The following CAMSAP2 variants were observed in gnomAD, a reference collection of about 807,000 sequenced individuals.
CAMSAP2 encodes calmodulin-regulated spectrin-associated protein 2.
CAMSAP2 carries 26 observed loss-of-function variants against 146.1 expected under a neutral mutation model. That is an observed-to-expected ratio of 0.18 (90% confidence interval 0.13 to 0.25). The LOEUF (loss-of-function observed/expected upper bound fraction) is 0.25, where lower values mean the gene tolerates loss of function less well. Among genes scored for constraint, CAMSAP2 ranks in the 10% least tolerant of loss-of-function variants. The pLI is 1.00. For synonymous variants in CAMSAP2, 499 were observed against 596.6 expected (o/e 0.84, Z 2.38); for missense variants, 1,381 against 1,759.3 (o/e 0.78, Z 3.85).
At chr1:200,772,332 G>T (rs1665140475) in intron 2 of CAMSAP2, among the ~76,000 whole-genome samples, 1 of 152,112 alleles carries the variant, frequency 6.6e-6, no homozygotes, top group South Asian at 2.1e-4. Flanking sequence ...ATGTAGGCTG[G>T]GCACAGTGAC....
intron 6 of CAMSAP2, among the ~76,000 whole-genome samples, chr1:200,835,190 T>G (rs1667154146): frequency 6.6e-6 from 1 of 152,200 alleles, no homozygotes; most frequent in African/African-American, 2.4e-5. Flanking sequence ...AAGTGTCACA[T>G]GTGCATCATT....
chr1:200,835,597 C>T (rs974392737), intron 6 of CAMSAP2, among the ~76,000 whole-genome samples: 1 of 152,112 alleles, frequency 6.6e-6, no homozygotes, highest in South Asian at 2.1e-4. Flanking sequence ...AAAGTTGTAC[C>T]CAGTCTCTTG....
At position 200,847,769 on chromosome 1, in the gene CAMSAP2, G is replaced by T. The variant is rs1261309353; in HGVS notation, c.1262+60G>T. The T allele has an allele frequency of 2.9e-6, 4 of 1,382,294 alleles. No homozygotes were observed. In the South Asian group the frequency reaches 4.9e-5, roughly 17 times the overall value. The allele number at this position is 1,382,294 out of a possible 1,614,324, so 85.6% of individuals were successfully genotyped here. On this transcript the variant is annotated intron_variant, in intron 10 of 16. Transcript: ENST00000358823. ...TTATTAAGAAATGCAAATTGCATCT[G>T]TGTCTCTCTTTTATTGATAACCAAA...
chr1:200,786,466 C>T (rs984907406), intron 2 of CAMSAP2, among the ~76,000 whole-genome samples: 1 of 152,012 alleles, frequency 6.6e-6, no homozygotes, highest in Non-Finnish European at 1.5e-5. Flanking sequence ...TCGCTGCAGC[C>T]TCCGCCTCCC....
intron 10 of CAMSAP2, 116 bp downstream of exon 10, chr1:200,847,825 T>A (rs909072329): frequency 9.7e-7 from 1 of 1,028,462 alleles, no homozygotes; most frequent in Admixed American, 2.3e-5. Flanking sequence ...TTCCTAAATT[T>A]GAAAAAGGCA....
intron 2 of CAMSAP2, among the ~76,000 whole-genome samples, chr1:200,782,003 A>G (rs973559790): frequency 6.6e-6 from 1 of 152,104 alleles, no homozygotes; most frequent in African/African-American, 2.4e-5. Flanking sequence ...TTTTGGGGGG[A>G]AAACATAAAA....
At chr1:200,774,236 A>T (rs974609309) in intron 2 of CAMSAP2, among the ~76,000 whole-genome samples, 4 of 152,206 alleles carry the variant, frequency 2.6e-5, no homozygotes, top group Non-Finnish European at 5.9e-5. Context: ...TCATTAAAAC[A>T]AAAACTTTAG....
chr1:200,807,982 T>C (rs1325917215), intron 3 of CAMSAP2, among the ~76,000 whole-genome samples: 1 of 152,094 alleles, frequency 6.6e-6, no homozygotes, highest in African/African-American at 2.4e-5. Context: ...CTCACGGTGA[T>C]CTACCCACCT....
At chr1:200,761,164 A>G in intron 2 of CAMSAP2, 66 bp downstream of exon 2, 1 of 1,392,088 alleles carries the variant, frequency 7.2e-7, no homozygotes. Flanking sequence ...TGAATGATAT[A>G]CTGTAAAACA....
chr1:200,776,586 G>A (rs936702313), intron 2 of CAMSAP2, among the ~76,000 whole-genome samples: 2 of 152,150 alleles, frequency 1.3e-5, no homozygotes, highest in Non-Finnish European at 2.9e-5. Flanking sequence ...TTGACTGGGT[G>A]TGTTGTTGGG....
rs533422177 is a variant in CAMSAP2, at chr1:200,786,007, A to G, written c.400-21369A>G. Among the ~76,000 whole-genome samples the G allele has an allele frequency of 3.3e-5, 5 of 152,304 alleles. No individual in the cohort carries two copies. In the South Asian group the frequency reaches 6.2e-4, roughly 19 times the overall value. ...ACCCAGCCAATTTTGGTTATTTTATATCTTTTAAGACATTTGTCCATTTCA... is the reference window on the plus strand; with the variant it reads ...ACCCAGCCAATTTTGGTTATTTTATGTCTTTTAAGACATTTGTCCATTTCA... On this transcript the variant is annotated intron_variant, in intron 2 of 16. Coordinates refer to ENST00000358823, the MANE Select transcript of CAMSAP2 (RefSeq NM_203459.4).
chr1:200,818,949 C>T (rs7528217), intron 4 of CAMSAP2, among the ~76,000 whole-genome samples: 47,663 of 152,004 alleles, frequency 0.31, 8,506 homozygotes, highest in East Asian at 0.53. Flanking sequence ...AGACAGAGCC[C>T]GTGGTATTGA....
At position 200,739,769 on chromosome 1, in the gene CAMSAP2, G is replaced by T; in HGVS notation, c.-59G>T. On this transcript the variant is annotated 5_prime_UTR_variant, in exon 1 of 17. Coordinates refer to ENST00000358823, the MANE Select transcript of CAMSAP2 (RefSeq NM_203459.4). This position sits in a 1 kb window ranked among gnomAD's most constrained non-coding sequence, Gnocchi z 4.8. ...CTCCCTCCCTCCCGACCCCCGTGGT[G>T]GCGAGGCCACGCCATGTGAAGGTTA... 2 of 1,548,814 alleles carry T rather than the reference G, an allele frequency of 1.3e-6. No homozygotes were observed. Among genetic ancestry groups the T allele is most frequent in the Non-Finnish European group, 1.8e-6 (2 of 1,138,442 alleles).
chr1:200,817,765 G>T (rs780952916), intron 4 of CAMSAP2, among the ~76,000 whole-genome samples: 7 of 152,210 alleles, frequency 4.6e-5, no homozygotes, highest in Non-Finnish European at 7.3e-5. Context: ...GATGTTTTGG[G>T]ATCACAATGC....
chr1:200,752,222 A>G (rs1451777075), intron 1 of CAMSAP2, among the ~76,000 whole-genome samples: 2 of 152,214 alleles, frequency 1.3e-5, no homozygotes, highest in Non-Finnish European at 2.9e-5. Flanking sequence ...TTACAAAAGA[A>G]TTATATTATT....
At position 200,849,090 on chromosome 1, in the gene CAMSAP2, C is replaced by T. The variant is rs1384524807; in HGVS notation, c.2321C>T (p.Ala774Val). The change falls in exon 11 of 17, where the codon GCT (alanine) becomes GTT (valine). Residue 774 changes from alanine to valine, a missense_variant. Transcript: ENST00000358823. The surrounding 1 kb of genome is among the most constrained non-coding windows in gnomAD (Gnocchi z 6.3). ...GCCCAGAAAAAGAAAATGGAAGCTGCTTTTACCAAACAGAGACAGAAAATG... is the reference window on the plus strand; with the variant it reads ...GCCCAGAAAAAGAAAATGGAAGCTGTTTTTACCAAACAGAGACAGAAAATG... Reference protein sequence around the residue: ...IEAQKKKMEAAFTKQRQKMGR... With the variant: ...IEAQKKKMEAVFTKQRQKMGR... The T allele has an allele frequency of 6.2e-7, 1 of 1,613,972 alleles. No individual in the cohort carries two copies. The highest frequency in any genetic ancestry group is 1.3e-5 in the African/African-American group (1 of 74,954).
rs767979653 is a variant in CAMSAP2 at position 200,849,996 on chromosome 1, C to G, written c.3227C>G (p.Pro1076Arg). ...ESTVSEVLSLPVTETVCLTPN... is the reference protein window; with the variant it reads ...ESTVSEVLSLRVTETVCLTPN... Reference sequence around the variant, plus strand: ...ACAGTCTCTGAAGTCCTATCACTGCCTGTCACAGAGACTGTATGTCTGACA... The same window carrying G: ...ACAGTCTCTGAAGTCCTATCACTGCGTGTCACAGAGACTGTATGTCTGACA... The change falls in exon 11 of 17, where the codon CCT becomes CGT. Residue 1076 changes from proline to arginine, a missense_variant. Pro to Arg is a moderately radical substitution (Grantham distance 103, BLOSUM62 -2). Coordinates refer to ENST00000358823, the MANE Select transcript of CAMSAP2 (RefSeq NM_203459.4). The surrounding 1 kb of genome is among the most constrained non-coding windows in gnomAD (Gnocchi z 6.3). 20 of 1,613,970 alleles carry G rather than the reference C, an allele frequency of 1.2e-5. 1 individual carries two copies. Among genetic ancestry groups the G allele is most frequent in the East Asian group, 1.1e-4 (5 of 44,892 alleles).
chr1:200,749,069 G>T (rs1273704603), intron 1 of CAMSAP2, among the ~76,000 whole-genome samples: 1 of 152,184 alleles, frequency 6.6e-6, no homozygotes, highest in Non-Finnish European at 1.5e-5. Context: ...CAAGAGGAAA[G>T]AGATAGGATG....
At chr1:200,852,439 C>G in intron 11 of CAMSAP2, 102 bp from the exon 12 acceptor site, 1 of 1,321,902 alleles carries the variant, frequency 7.6e-7, no homozygotes, top group Non-Finnish European at 1.0e-6. Flanking sequence ...ATAGTTCAAA[C>G]TTTCAGTTAT....
Sources: gnomAD v4.1 joint callset for allele counts (sites outside exome capture counted in the v4.1 genomes callset) on GRCh38, gnomAD v4.1.1 for gene constraint, Gnocchi (gnomAD v3.1) non-coding constraint, MANE v1.5 for transcripts, NCBI Gene and HGNC (gene_info 2026-07-23, HGNC 2026-07-21) for gene names.